GTF2IRD2B: variants seen among roughly 807,000 people sequenced by gnomAD.
The protein encoded by GTF2IRD2B is general transcription factor II-I repeat domain-containing protein 2B.
In GTF2IRD2B, 10 loss-of-function variants were observed where a neutral mutation model predicts 55.6. The observed-to-expected ratio is 0.18, with a 90% CI of 0.11 to 0.31. The LOEUF is 0.31. Ranked by LOEUF, GTF2IRD2B falls within the 10% of genes least tolerant of loss-of-function variation. The pLI, the probability that GTF2IRD2B is intolerant of heterozygous loss-of-function variation, is 1.00. For synonymous variants in GTF2IRD2B, 107 were observed against 320.5 expected (o/e 0.33, Z 7.12); for missense variants, 206 against 802.7 (o/e 0.26, Z 8.98).
At chr7:75,105,946 G>C (rs191233049) in intron 1 of GTF2IRD2B, among the ~76,000 whole-genome samples, 71 of 152,424 alleles carry the variant, frequency 4.7e-4, no homozygotes, top group East Asian at 4.0e-3. Context: ...AGGAGGAAGA[G>C]AGTGTGGCAA....
At chr7:75,147,372 G>T (rs1167461335) in intron 15 of GTF2IRD2B, among the ~76,000 whole-genome samples, 3 of 151,872 alleles carry the variant, frequency 2.0e-5, no homozygotes, top group Non-Finnish European at 4.4e-5. Context: ...GGCAGAAGTT[G>T]CAGTGAGCCG....
At chr7:75,093,050 G>A (rs1807308558) in intron 1 of GTF2IRD2B, among the ~76,000 whole-genome samples, 1 of 152,424 alleles carries the variant, frequency 6.6e-6, no homozygotes, top group African/African-American at 2.4e-5. Flanking sequence ...GCCGAGCGGG[G>A]GTGTGCGTGA....
chr7:75,139,565 T>C (rs1554453863), intron 12 of GTF2IRD2B, among the ~76,000 whole-genome samples: 4 of 118,134 alleles, frequency 3.4e-5, no homozygotes, highest in Admixed American at 3.3e-4. Context: ...ACCTGGGAGG[T>C]GGAGCTTGCA....
Position 75,148,293 on chromosome 7 carries a change from G to A in GTF2IRD2B, c.1846G>A (p.Val616Met), listed in dbSNP as rs782586906. ...TATCAACTGGTCGAGATTAGTAAGC[G>A]TGGCCTCCACTGGCACCCCAGCGAT... The part of the protein sequence containing the change: ...FCINWSRLVS[V>M]ASTGTPAMVD... Residue 616 changes from valine to methionine, a missense_variant, in exon 16 of 16, where the codon GTG (valine) becomes ATG (methionine). Transcript: ENST00000472837. The A allele has an allele frequency of 1.2e-5, 19 of 1,613,696 alleles. No individual in the cohort carries two copies. Among genetic ancestry groups the A allele is most frequent in the Middle Eastern group, 1.7e-4 (1 of 6,056 alleles).
chr7:75,102,748 G>A (rs1481845088), intron 1 of GTF2IRD2B, among the ~76,000 whole-genome samples: 2 of 151,524 alleles, frequency 1.3e-5, no homozygotes, highest in African/African-American at 4.8e-5. Flanking sequence ...ACTTGAGGTC[G>A]GGAGTTCGAG....
In GTF2IRD2B at chr7:75,148,898, C is replaced by A. The variant is rs1225188246; in HGVS notation, c.2451C>A (p.Ser817Arg). 6.3e-7 allele frequency: 1 copy of A among 1,592,160 alleles called. No homozygotes were observed. The highest frequency in any genetic ancestry group is 2.2e-5 in the East Asian group (1 of 44,778). The change falls in exon 16 of 16, where the codon AGC becomes AGA. Residue 817 changes from serine (S) to arginine (R), a missense_variant. Ser to Arg is a moderately radical substitution (Grantham distance 110). Transcript: ENST00000472837. Reference protein sequence around the residue: ...PTLKLVSRNESDGLNYIPKIA... With the variant: ...PTLKLVSRNERDGLNYIPKIA... ...TGAAATTGGTTTCCAGAAATGAAAG[C>A]GATGGCCTGAACTACATTCCCAAAA...
At chr7:75,109,294 C>T (rs1807890723) in intron 2 of GTF2IRD2B, among the ~76,000 whole-genome samples, 1 of 146,644 alleles carries the variant, frequency 6.8e-6, no homozygotes, top group African/African-American at 2.4e-5. Context: ...CTGCCTCAGC[C>T]TCCTGGGTAG....
intron 3 of GTF2IRD2B, 128 bp downstream of exon 3, chr7:75,112,663 T>A (rs1808012790): frequency 1.3e-6 from 2 of 1,588,026 alleles, no homozygotes; most frequent in Admixed American, 3.5e-5. Flanking sequence ...TCTTCTTGGA[T>A]TCAGCTTACC....
chr7:75,113,635 CA>C (rs1808037089), intron 3 of GTF2IRD2B, among the ~76,000 whole-genome samples: 1 of 149,692 alleles, frequency 6.7e-6, no homozygotes, highest in Non-Finnish European at 1.5e-5. Context: ...GGTCTCAAGA[CA>C]AAACAAAACT....
At chr7:75,102,086 T>G (rs1445476671) in intron 1 of GTF2IRD2B, among the ~76,000 whole-genome samples, 1 of 150,552 alleles carries the variant, frequency 6.6e-6, no homozygotes, top group African/African-American at 2.4e-5. Flanking sequence ...CACTGCAACC[T>G]CCGCCTCCCG....
At position 75,148,367 on chromosome 7, in the gene GTF2IRD2B, G is replaced by A. The variant is rs140338361; in HGVS notation, c.1920G>A (p.Ala640=). 30 of 1,611,946 alleles carry A rather than the reference G, an allele frequency of 1.9e-5. 1 individual carries two copies. Among genetic ancestry groups the A allele is most frequent in the South Asian group, 5.5e-5 (5 of 91,022 alleles). The change falls in exon 16 of 16, where the codon GCG becomes GCA. Residue 640 remains alanine, a synonymous_variant. Transcript: ENST00000472837. ...GLVTKLKSRV[A]TFCKGAELKS... is the part of the protein sequence containing the mutation. ...TCACAAAACTGAAGTCCAGGGTGGC[G>A]ACGTTCTGCAAGGGTGCGGAACTGA...
At chr7:75,123,093 C>G in intron 4 of GTF2IRD2B, 43 bp from the exon 5 acceptor site, 1 of 1,552,414 alleles carries the variant, frequency 6.4e-7, no homozygotes, top group Non-Finnish European at 8.6e-7. Context: ...ACTGGTAGAA[C>G]GTTAGGTTCA....
rs587764303 is a variant in GTF2IRD2B at position 75,148,172 on chromosome 7, T to G, written c.1725T>G (p.Asp575Glu). 4.3e-6 allele frequency: 7 copies of G among 1,613,778 alleles called. No homozygotes were observed. The South Asian group carries it at 4.4e-5, about 10-fold the overall frequency. ...TCCGTGGTGTCGATGAGAATTTCGATGTGTCCGAAGAACTTCTGGACACGG... is the reference window on the plus strand; with the variant it reads ...TCCGTGGTGTCGATGAGAATTTCGAGGTGTCCGAAGAACTTCTGGACACGG... ...IFIRGVDENF[D>E]VSEELLDTVP... The change falls in exon 16 of 16, where the codon GAT (aspartate) becomes GAG (glutamate). Residue 575 changes from aspartate to glutamate, a missense_variant. By Grantham distance (45) the Asp-to-Glu change is conservative. Coordinates refer to ENST00000472837, the MANE Select transcript of GTF2IRD2B (RefSeq NM_001003795.3).
intron 1 of GTF2IRD2B, among the ~76,000 whole-genome samples, chr7:75,103,518 C>T (rs1341420210): frequency 2.0e-5 from 3 of 149,768 alleles, no homozygotes; most frequent in South Asian, 2.1e-4. Flanking sequence ...GAGAGGGAGC[C>T]GTCCCCAAGT....
chr7:75,104,984 G>C (rs1472188887), intron 1 of GTF2IRD2B, among the ~76,000 whole-genome samples: 59 of 152,402 alleles, frequency 3.9e-4, no homozygotes, highest in African/African-American at 1.4e-3. Context: ...GATCGCTTGA[G>C]CCCAGGAGTT....
In GTF2IRD2B at chr7:75,141,095, A is replaced by AT. The variant is rs1368706766; in HGVS notation, c.950-3dup. 3.5e-4 allele frequency: 11 copies of AT among 31,152 alleles called. No homozygotes were observed. The highest frequency in any genetic ancestry group is 1.5e-3 in the African/African-American group (11 of 7,492). 1.9% of individuals were successfully genotyped at this position (31,152 alleles called of 1,614,324 possible). On this transcript the variant is annotated splice_region_variant and splice_polypyrimidine_tract_variant and intron_variant, in intron 12 of 15. Coordinates refer to ENST00000472837, the MANE Select transcript of GTF2IRD2B (RefSeq NM_001003795.3). ...CCTTGGTTTGTTTATTTGTTTAATT[A>AT]TTTTTAGATAATGAGAAGGAAAGAT...
intron 3 of GTF2IRD2B, among the ~76,000 whole-genome samples, chr7:75,115,500 C>T (rs1808116792): frequency 6.9e-6 from 1 of 144,222 alleles, no homozygotes. Flanking sequence ...CTTGGCTGAC[C>T]ACAACCTCTG....
In GTF2IRD2B at chr7:75,148,223, C is replaced by T. The variant is rs71554701; in HGVS notation, c.1776C>T (p.Gly592=). 1.2e-6 allele frequency: 2 copies of T among 1,613,732 alleles called. No individual in the cohort carries two copies. Among genetic ancestry groups the T allele is most frequent in the Non-Finnish European group, 1.7e-6 (2 of 1,179,850 alleles). The change falls in exon 16 of 16, where the codon GGC becomes GGT. Residue 592 remains glycine (G), a synonymous_variant. Transcript: ENST00000472837. The part of the protein sequence containing the change: ...DTVPMTGTKS[G]NEIFLRVEKS... ...TGCCCATGACGGGTACAAAATCTGGCAACGAGATCTTTTTGCGTGTTGAGA... is the reference window on the plus strand; with the variant it reads ...TGCCCATGACGGGTACAAAATCTGGTAACGAGATCTTTTTGCGTGTTGAGA...
intron 13 of GTF2IRD2B, among the ~76,000 whole-genome samples, chr7:75,141,700 CAA>C (rs1182120810): frequency 1.1e-4 from 1 of 9,242 alleles, no homozygotes; most frequent in Admixed American, 8.7e-4. Flanking sequence ...GACCCTGTCT[CAA>C]AAAAAAAAAA....
Sources: allele counts gnomAD v4.1 joint callset (sites outside exome capture counted in the v4.1 genomes callset), GRCh38; gene constraint gnomAD v4.1.1; transcripts MANE v1.5; gene names NCBI Gene and HGNC (gene_info 2026-07-23, HGNC 2026-07-21).